C12orf75: variants seen among roughly 807,000 people sequenced by gnomAD.
C12orf75 encodes chromosome 12 open reading frame 75.
Under a neutral mutation model 11.4 loss-of-function variants are expected in C12orf75, and 4 were observed. The observed-to-expected ratio is 0.35, with a 90% CI of 0.17 to 0.80. The LOEUF is 0.80. Ranked by LOEUF, C12orf75 falls within the 30% of genes least tolerant of loss-of-function variation. The pLI is 0.52. For synonymous variants in C12orf75, 30 were observed against 30.0 expected, an observed-to-expected ratio of 1.00 and a Z score of 0.00; for missense variants, 89 against 80.4, an observed-to-expected ratio of 1.11 and a Z score of -0.41.
chr12:105,335,892 C>A (rs1489226624), intron 1 of C12orf75, among the ~76,000 whole-genome samples: 1 of 152,090 alleles, frequency 6.6e-6, no homozygotes, highest in African/African-American at 2.4e-5. Flanking sequence ...ATTTGGGAAA[C>A]AAAAAAGATT....
chr12:105,360,782 C>CT (rs567109155), intron 2 of C12orf75, among the ~76,000 whole-genome samples: 17 of 151,122 alleles, frequency 1.1e-4, no homozygotes, highest in East Asian at 1.9e-4. Context: ...CATCTTAGAT[C>CT]TTTTTTTTTG....
At chr12:105,354,923 C>T (rs1892755998) in intron 2 of C12orf75, among the ~76,000 whole-genome samples, 2 of 152,024 alleles carry the variant, frequency 1.3e-5, no homozygotes, top group Admixed American at 6.6e-5. Context: ...TGAACTGGAG[C>T]TGATGTTGCA....
intron 2 of C12orf75, among the ~76,000 whole-genome samples, chr12:105,364,410 G>A (rs1038550089): frequency 4.6e-5 from 7 of 152,164 alleles, no homozygotes; most frequent in African/African-American, 1.2e-4. Flanking sequence ...GATGAATTAG[G>A]TCTCAAGATG....
At chr12:105,361,333 G>A (rs930284526) in intron 2 of C12orf75, among the ~76,000 whole-genome samples, 5 of 152,156 alleles carry the variant, frequency 3.3e-5, no homozygotes, top group Non-Finnish European at 7.4e-5. Context: ...CCTTAAAATG[G>A]TTTGCAGATG....
chr12:105,363,888 A>G (rs1892908615), intron 2 of C12orf75, among the ~76,000 whole-genome samples: 1 of 152,234 alleles, frequency 6.6e-6, no homozygotes, highest in Non-Finnish European at 1.5e-5. Context: ...TTAATTTTAT[A>G]ATGGAGAACA....
rs984863496 is a variant in C12orf75, at chr12:105,330,805, C to T, written c.-87C>T. ...CTCGCGGCCCCGTCAGCCTCCCGCT[C>T]GGGGTGCGCCGCCCTTCGTCTGGGT... On this transcript the variant is annotated 5_prime_UTR_variant, in exon 1 of 6. Transcript: ENST00000443585. The T allele has an allele frequency of 2.3e-5, 28 of 1,202,912 alleles. No individual in the cohort carries two copies. Among genetic ancestry groups the T allele is most frequent in the Non-Finnish European group, 2.5e-5 (24 of 967,234 alleles). 74.5% of individuals were successfully genotyped at this position (1,202,912 alleles called of 1,614,324 possible).
Position 105,371,319 on chromosome 12 carries a change from T to C in C12orf75, c.*719T>C, listed in dbSNP as rs1061749. On this transcript the variant is annotated 3_prime_UTR_variant, in exon 6 of 6. Transcript: ENST00000443585. Reference sequence around the variant, plus strand: ...GGCATGTGCAACTACAAATACTTCATAGCTGTTTGGGTTGCTCATTCTACA... The same window carrying C: ...GGCATGTGCAACTACAAATACTTCACAGCTGTTTGGGTTGCTCATTCTACA... 0.31 allele frequency: 46,534 copies of C among 152,248 alleles called. 8,627 individuals are homozygous for C. The highest frequency in any genetic ancestry group is 0.67 in the East Asian group (3,473 of 5,178). The allele number at this position is 152,248 out of a possible 1,614,324, so 9.4% of individuals were successfully genotyped here. A position where few individuals can be genotyped will look rare whatever the true frequency, so the allele number is the denominator to read the frequency against.
rs553104978 is a variant in C12orf75, at chr12:105,371,391, C to T, written c.*791C>T. 3.3e-5 allele frequency: 5 copies of T among 152,254 alleles called. No individual in the cohort carries two copies. The South Asian group carries it at 8.3e-4, about 25-fold the overall frequency. The allele number at this position is 152,254 out of a possible 1,614,324, so 9.4% of individuals were successfully genotyped here. A position where few individuals can be genotyped will look rare whatever the true frequency, so the allele number is the denominator to read the frequency against. On this transcript the variant is annotated 3_prime_UTR_variant, in exon 6 of 6. Coordinates refer to ENST00000443585, the MANE Select transcript of C12orf75 (RefSeq NM_001145199.2). ...ATTTCTATAACTTTTCAAGGACTTG[C>T]GATGGATGGTTAGTGGGATATCTGG...
chr12:105,340,575 A>T (rs1892559376), intron 1 of C12orf75, among the ~76,000 whole-genome samples: 1 of 151,922 alleles, frequency 6.6e-6, no homozygotes, highest in Non-Finnish European at 1.5e-5. Context: ...TTTGCTCTGT[A>T]TTTTAAAAGA....
In C12orf75 at chr12:105,370,959, C is replaced by T. The variant is rs753749198; in HGVS notation, c.*359C>T. On this transcript the variant is annotated 3_prime_UTR_variant, in exon 6 of 6. Coordinates refer to ENST00000443585, the MANE Select transcript of C12orf75 (RefSeq NM_001145199.2). Reference sequence around the variant, plus strand: ...ACATTTCATGGAGGTCATGTCTTTTCACTGATACTTTTTTGATAGTTTTTA... The same window carrying T: ...ACATTTCATGGAGGTCATGTCTTTTTACTGATACTTTTTTGATAGTTTTTA... The T allele has an allele frequency of 3.4e-4, 75 of 223,170 alleles. No individual in the cohort carries two copies. The highest frequency in any genetic ancestry group is 6.1e-4 in the Non-Finnish European group (65 of 107,284). 13.8% of individuals were successfully genotyped at this position (223,170 alleles called of 1,614,324 possible).
chr12:105,353,050 A>G (rs1892734052), intron 2 of C12orf75, among the ~76,000 whole-genome samples: 1 of 152,182 alleles, frequency 6.6e-6, no homozygotes, highest in South Asian at 2.1e-4. Context: ...ATTCTCAGCT[A>G]TTTGGCACAA....
chr12:105,363,589 G>A (rs147544889), intron 2 of C12orf75, among the ~76,000 whole-genome samples: 306 of 152,244 alleles, frequency 2.0e-3, no homozygotes, highest in Middle Eastern at 6.8e-3. Context: ...GCTGAGCATG[G>A]TGGCACGGGC....
chr12:105,335,407 A>G (rs1474020474), intron 1 of C12orf75, among the ~76,000 whole-genome samples: 3 of 152,222 alleles, frequency 2.0e-5, no homozygotes, highest in Non-Finnish European at 4.4e-5. Context: ...TGTAAAAATA[A>G]TACAAAATTT....
intron 2 of C12orf75, among the ~76,000 whole-genome samples, chr12:105,358,920 T>A (rs1351201885): frequency 6.6e-6 from 1 of 152,214 alleles, no homozygotes; most frequent in Non-Finnish European, 1.5e-5. Flanking sequence ...GTAAAGCGGA[T>A]GATGTTTCGA....
chr12:105,342,587 C>T (rs779925004), intron 1 of C12orf75, among the ~76,000 whole-genome samples: 1 of 152,256 alleles, frequency 6.6e-6, no homozygotes, highest in Non-Finnish European at 1.5e-5. Context: ...TGGTGATTAA[C>T]TCAATCTCCA....
rs1381335155 is a variant in C12orf75 at position 105,371,001 on chromosome 12, T to C, written c.*401T>C. The C allele has an allele frequency of 1.0e-5, 2 of 199,998 alleles. No homozygotes were observed. Among genetic ancestry groups the C allele is most frequent in the Middle Eastern group, 2.1e-3 (1 of 468 alleles). The allele number at this position is 199,998 out of a possible 1,614,324, so 12.4% of individuals were successfully genotyped here. A position where few individuals can be genotyped will look rare whatever the true frequency, so the allele number is the denominator to read the frequency against. Reference sequence around the variant, plus strand: ...TAGTTTTTATATAACAAAATCCTTATTCTATTTATAACTTAAGATGATAAG... The same window carrying C: ...TAGTTTTTATATAACAAAATCCTTACTCTATTTATAACTTAAGATGATAAG... On this transcript the variant is annotated 3_prime_UTR_variant, in exon 6 of 6. Transcript: ENST00000443585.
intron 2 of C12orf75, among the ~76,000 whole-genome samples, chr12:105,360,745 G>A (rs572246578): frequency 2.0e-5 from 3 of 152,040 alleles, no homozygotes; most frequent in South Asian, 2.1e-4. Context: ...ACTGTCTCCC[G>A]GGCTCAGGTG....
intron 2 of C12orf75, among the ~76,000 whole-genome samples, chr12:105,360,272 G>A (rs964807858): frequency 6.6e-6 from 1 of 152,184 alleles, no homozygotes; most frequent in African/African-American, 2.4e-5. Context: ...CAGCAATCAC[G>A]GCTGCAGAGC....
intron 3 of C12orf75, chr12:105,366,160 G>A (rs569236461): frequency 2.8e-6 from 1 of 362,062 alleles, no homozygotes; most frequent in African/African-American, 2.1e-5. Context: ...CTACTTCTCT[G>A]ATTAACTGCA....
Sources: allele counts gnomAD v4.1 joint callset (sites outside exome capture counted in the v4.1 genomes callset), GRCh38; gene constraint gnomAD v4.1.1; transcripts MANE v1.5; gene names NCBI Gene and HGNC (gene_info 2026-07-23, HGNC 2026-07-21).